SUMF1: variants seen among roughly 807,000 people sequenced by gnomAD.
The protein encoded by SUMF1 is formylglycine-generating enzyme.
A neutral mutation model predicts 47.6 loss-of-function variants in SUMF1; 48 were observed. The ratio of observed to expected loss-of-function variants is 1.01; its 90% CI spans 0.80 to 1.28. The LOEUF is 1.28. Ranked by LOEUF, SUMF1 falls within the 50% of genes most tolerant of loss-of-function variation. The pLI, the probability that SUMF1 is intolerant of heterozygous loss-of-function variation, is 0.00. For synonymous variants in SUMF1, 230 were observed against 192.1 expected, an observed-to-expected ratio of 1.20 and a Z score of -1.63; for missense variants, 571 against 485.4, an observed-to-expected ratio of 1.18 and a Z score of -1.66.
At chr3:4,150,792 A>G (rs1438235052) in intron 8 of SUMF1, among the ~76,000 whole-genome samples, 1 of 151,530 alleles carries the variant, frequency 6.6e-6, no homozygotes, top group Non-Finnish European at 1.5e-5. Flanking sequence ...GCTGAGGAGT[A>G]TATTGCTGCC....
chr3:4,303,233 G>A (rs993542500), intron 8 of SUMF1: 43 of 915,072 alleles, frequency 4.7e-5, no homozygotes, highest in Admixed American at 1.2e-4. Context: ...TCAAGGAAGG[G>A]AAGCGCCTTC....
intron 6 of SUMF1, among the ~76,000 whole-genome samples, chr3:4,412,081 T>G (rs888924261): frequency 1.3e-5 from 2 of 152,102 alleles, no homozygotes; most frequent in African/African-American, 4.8e-5. Flanking sequence ...TCTGGATGAG[T>G]TGGAAAGCTG....
chr3:4,253,454 C>G (rs313671), intron 8 of SUMF1, among the ~76,000 whole-genome samples: 25,366 of 152,160 alleles, frequency 0.17, 2,436 homozygotes, highest in South Asian at 0.39. Context: ...ACCTGGGAAG[C>G]ACAAGGGGTC....
At position 4,303,488 on chromosome 3, in the gene SUMF1, G is replaced by A. The variant is rs575057889; in HGVS notation, c.1014+72842C>T. ...GTGCGGCCAGGAAAACTTGCCGGTG[G>A]GCGCGTGGCCCCCGGGGGCCGCGCC... On this transcript the variant is annotated intron_variant and NMD_transcript_variant, in intron 8 of 12. Transcript: ENST00000448413. The A allele has an allele frequency of 4.7e-6, 7 of 1,497,194 alleles. No homozygotes were observed. In the South Asian group the frequency reaches 9.6e-5, roughly 20 times the overall value. 92.7% of individuals were successfully genotyped at this position (1,497,194 alleles called of 1,614,324 possible).
Position 4,273,382 on chromosome 3 carries a change from G to A in SUMF1, c.1014+102948C>T, listed in dbSNP as rs374125833. On this transcript the variant is annotated intron_variant and NMD_transcript_variant, in intron 8 of 12. Transcript: ENST00000448413. ...TACTGATACATGCTACAACATGAAT[G>A]AACTTCAAAATATGCTTTAAAACCC... Among the ~76,000 whole-genome samples the A allele has an allele frequency of 3.9e-4, 60 of 152,062 alleles. 1 individual carries two copies. In the South Asian group the frequency reaches 0.01, roughly 26 times the overall value.
chr3:4,172,913 C>G (rs1694866331), intron 8 of SUMF1, among the ~76,000 whole-genome samples: 1 of 152,158 alleles, frequency 6.6e-6, no homozygotes, highest in African/African-American at 2.4e-5. Context: ...GCATTTTAGT[C>G]ATGAAGTCTT....
intron 8 of SUMF1, among the ~76,000 whole-genome samples, chr3:4,253,542 C>T (rs570856016): frequency 2.6e-5 from 4 of 151,594 alleles, no homozygotes; most frequent in Non-Finnish European, 5.9e-5. Flanking sequence ...CTGAATATTG[C>T]GCTTTTCAGA....
At chr3:4,308,897 G>C (rs1350041450) in intron 8 of SUMF1, among the ~76,000 whole-genome samples, 1 of 152,216 alleles carries the variant, frequency 6.6e-6, no homozygotes, top group Non-Finnish European at 1.5e-5. Context: ...AGTGAGCATG[G>C]ACCATGACAC....
chr3:4,360,199 TTTGTTC>T (rs1309644171), downstream of SUMF1, among the ~76,000 whole-genome samples: 2 of 137,508 alleles, frequency 1.5e-5, no homozygotes, highest in African/African-American at 6.0e-5. Context: ...GCTACCAATG[TTTGTTC>T]TTTTTTTTTT....
rs1024481440 is a variant in SUMF1, at chr3:4,289,710, C to A, written c.1014+86620G>T. On this transcript the variant is annotated intron_variant and NMD_transcript_variant, in intron 8 of 12. Transcript: ENST00000448413. ...AACCCATTTTCTTTGTTGCTATCAT[C>A]CAGAAGGGGTAAAGCATCTGGTTGT... Among the ~76,000 whole-genome samples, 18 of 152,114 alleles carry A rather than the reference C, an allele frequency of 1.2e-4. No homozygotes were observed. The East Asian group carries it at 1.9e-3, about 16-fold the overall frequency.
In SUMF1 at chr3:4,353,581, C is replaced by T. The variant is rs181075049; in HGVS notation, c.1014+22749G>A. Among the ~76,000 whole-genome samples the T allele has an allele frequency of 7.4e-3, 1,122 of 152,254 alleles. 29 individuals carry two copies. The highest frequency in any genetic ancestry group is 0.039 in the Admixed American group (592 of 15,284). On this transcript the variant is annotated intron_variant and NMD_transcript_variant, in intron 8 of 12. Transcript: ENST00000448413. ...TTTTTAACATAAAAATATACAAGCTCATATTCTGTGAGCCCTCAGGCTACA... is the reference window on the plus strand; with the variant it reads ...TTTTTAACATAAAAATATACAAGCTTATATTCTGTGAGCCCTCAGGCTACA...
chr3:4,251,492 G>A (rs924588003), intron 8 of SUMF1, among the ~76,000 whole-genome samples: 1 of 152,188 alleles, frequency 6.6e-6, no homozygotes, highest in Non-Finnish European at 1.5e-5. Context: ...AATTTTGAAA[G>A]AAGTTCTGTG....
chr3:4,433,050 T>C (rs1402789810), intron 3 of SUMF1, among the ~76,000 whole-genome samples: 1 of 152,232 alleles, frequency 6.6e-6, no homozygotes, highest in African/African-American at 2.4e-5. Flanking sequence ...CAGATAATTC[T>C]GAAAGTTTCA....
chr3:4,162,341 C>A (rs1382803555), intron 8 of SUMF1, among the ~76,000 whole-genome samples: 4 of 152,160 alleles, frequency 2.6e-5, no homozygotes, highest in Non-Finnish European at 5.9e-5. Context: ...TGCATGTCCC[C>A]CAGATCCACT....
intron 8 of SUMF1, among the ~76,000 whole-genome samples, chr3:4,271,302 G>A (rs1553615460): frequency 6.6e-6 from 1 of 152,062 alleles, no homozygotes; most frequent in Non-Finnish European, 1.5e-5. Context: ...TTTCTCCTTG[G>A]TGTTCTTGGG....
At chr3:4,116,405 CAA>C (rs1289147862) in intron 8 of SUMF1, among the ~76,000 whole-genome samples, 1 of 152,110 alleles carries the variant, frequency 6.6e-6, no homozygotes, top group Non-Finnish European at 1.5e-5. Context: ...TGCTTTCCTG[CAA>C]AGTTTTCCCA....
chr3:4,233,857 C>G (rs886628968), intron 8 of SUMF1, among the ~76,000 whole-genome samples: 2 of 152,084 alleles, frequency 1.3e-5, no homozygotes, highest in Non-Finnish European at 2.9e-5. Context: ...AGTAACAGCA[C>G]CAGGGTTTGC....
chr3:4,156,362 C>A (rs1694452185), intron 8 of SUMF1, among the ~76,000 whole-genome samples: 1 of 151,602 alleles, frequency 6.6e-6, no homozygotes, highest in Non-Finnish European at 1.5e-5. Context: ...CTTTGTAGAA[C>A]TAATTAGTAC....
chr3:4,233,975 T>C (rs1696354975), intron 8 of SUMF1, among the ~76,000 whole-genome samples: 1 of 152,126 alleles, frequency 6.6e-6, no homozygotes, highest in Admixed American at 6.6e-5. Flanking sequence ...ACTCTTATTG[T>C]TCATTAGTGT....
Sources: gnomAD v4.1 joint callset for allele counts (sites outside exome capture counted in the v4.1 genomes callset) on GRCh38, gnomAD v4.1.1 for gene constraint, MANE v1.5 for transcripts, NCBI Gene and HGNC (gene_info 2026-07-23, HGNC 2026-07-21) for gene names.